TLE2: variants seen among roughly 807,000 people sequenced by gnomAD.
The protein encoded by TLE2 is transducin-like enhancer protein 2.
In TLE2, 74 loss-of-function variants were observed where a neutral mutation model predicts 97.2. That is an observed-to-expected ratio of 0.76 (90% confidence interval 0.63 to 0.92). The LOEUF (loss-of-function observed/expected upper bound fraction) is 0.92. Ranked by LOEUF, TLE2 falls within the 40% of genes least tolerant of loss-of-function variation. The pLI, the probability that TLE2 is intolerant of heterozygous loss-of-function variation, is 0.00. For missense variants in TLE2, 1,038 were observed against 1,008.7 expected (o/e 1.03, Z -0.39); for synonymous variants, 499 against 432.1 (o/e 1.15, Z -1.92).
chr19:3,008,883 G>C lies in TLE2; in HGVS notation c.1236C>G (p.Ile412Met), dbSNP rs760560743. The C allele has an allele frequency of 3.8e-6, 6 of 1,589,030 alleles. No homozygotes were observed. The African/African-American group carries it at 8.1e-5, about 21-fold the overall frequency. The change falls in exon 14 of 20, where the codon ATC becomes ATG. Residue 412 changes from isoleucine (I) to methionine (M), a missense_variant. Coordinates refer to ENST00000262953, the MANE Select transcript of TLE2 (RefSeq NM_003260.5). ...GSSVSSSLPS[I>M]PGGKPAYSFH... ...CTGGTACTCACGGCTTTCCCCCAGG[G>C]ATGCTGGGTAGGGAGGAAGAGACGG...
chr19:3,008,993 A>G, intron 13 of TLE2, 48 bp from the exon 14 acceptor site: 1 of 1,457,614 alleles, frequency 6.9e-7, no homozygotes, highest in Non-Finnish European at 9.2e-7. Flanking sequence ...ACTCCAACCC[A>G]CCTCTGTGCC....
intron 17 of TLE2, among the ~76,000 whole-genome samples, chr19:3,002,839 C>T (rs1326631192): frequency 6.6e-6 from 1 of 152,108 alleles, no homozygotes; most frequent in Non-Finnish European, 1.5e-5. Flanking sequence ...GCTGGGATTA[C>T]AGGTACCTGC....
chr19:3,000,844 A>G, intron 18 of TLE2, 121 bp from the exon 19 acceptor site: 5 of 581,300 alleles, frequency 8.6e-6, no homozygotes, highest in Non-Finnish European at 1.4e-5. Context: ...TTTTTTTTCC[A>G]AGAAAGGGTC....
upstream of TLE2, among the ~76,000 whole-genome samples, chr19:3,046,932 G>GCCTCCCCCTCCTCCTCCC (rs2090146439): frequency 1.0e-5 from 1 of 100,406 alleles, no homozygotes; most frequent in Non-Finnish European, 2.0e-5. Flanking sequence ...CCCCTCCTCT[G>GCCTCCCCCTCCTCCTCCC]CCTCCCCCTC....
chr19:3,000,018 G>C (rs1240573844), intron 19 of TLE2, among the ~76,000 whole-genome samples: 1 of 151,080 alleles, frequency 6.6e-6, no homozygotes, highest in East Asian at 2.0e-4. Flanking sequence ...GGGAGACAGA[G>C]CAAGATTCTG....
Position 3,027,810 on chromosome 19 carries a change from G to A in TLE2, c.231+19C>T, listed in dbSNP as rs766255665. The A allele has an allele frequency of 8.1e-6, 13 of 1,609,202 alleles. No individual in the cohort carries two copies. Among genetic ancestry groups the A allele is most frequent in the African/African-American group, 4.0e-5 (3 of 74,802 alleles). ...CCCCCACCCTCCCTCCTGAACACGC[G>A]TAACCCCAACCCAGTTACCTGCTTA... On this transcript the variant is annotated intron_variant, in intron 4 of 19. Transcript: ENST00000262953.
intron 12 of TLE2, among the ~76,000 whole-genome samples, chr19:3,010,335 G>A (rs564665642): frequency 6.7e-6 from 1 of 149,296 alleles, no homozygotes; most frequent in Admixed American, 6.7e-5. Flanking sequence ...TTGCACTCCA[G>A]CCTGTGTAAC....
rs757917221 is a variant in TLE2 at position 3,005,471 on chromosome 19, C to T, written c.1862G>A (p.Gly621Asp). The change falls in exon 17 of 20, where the codon GGC becomes GAC. Residue 621 changes from glycine (G) to aspartate (D), a missense_variant. By Grantham distance (94) the Gly-to-Asp change is moderately conservative. Transcript: ENST00000262953. ...NTVRCWDLREGRQLQQHDFSS... is the reference protein window; with the variant it reads ...NTVRCWDLREDRQLQQHDFSS... ...GAAGTCATGCTGCTGCAGCTGGCGG[C>T]CCTCCCGCAGGTCCCAGCAGCGCAC... The T allele has an allele frequency of 2.5e-6, 4 of 1,613,802 alleles. No homozygotes were observed. The South Asian group carries it at 4.4e-5, about 18-fold the overall frequency.
At chr19:3,010,743 CAA>C (rs775202949) in intron 12 of TLE2, among the ~76,000 whole-genome samples, 1 of 152,154 alleles carries the variant, frequency 6.6e-6, no homozygotes, top group African/African-American at 2.4e-5. Context: ...GTCTGAAACC[CAA>C]GTCTGTCTGG....
chr19:3,026,841 C>G lies in TLE2; in HGVS notation c.231+988G>C, dbSNP rs529325883. Among the ~76,000 whole-genome samples, 7 of 152,250 alleles carry G rather than the reference C, an allele frequency of 4.6e-5. No individual in the cohort carries two copies. In the South Asian group the frequency reaches 1.5e-3, roughly 32 times the overall value. On this transcript the variant is annotated intron_variant, in intron 4 of 19. Coordinates refer to ENST00000262953, the MANE Select transcript of TLE2 (RefSeq NM_003260.5). ...TCTATCTCTGAACCCTGAGGTCTAT[C>G]TCAGAACCTTGAGGTCTATCTCAGA...
chr19:3,039,892 C>T (rs892635435), intron 1 of TLE2, among the ~76,000 whole-genome samples: 4 of 152,208 alleles, frequency 2.6e-5, no homozygotes, highest in Non-Finnish European at 4.4e-5. Flanking sequence ...ACCCCACCTC[C>T]GCCACTGCGT....
intron 9 of TLE2, 76 bp downstream of exon 9, chr19:3,015,577 C>T (rs2089684095): frequency 8.4e-7 from 1 of 1,186,878 alleles, no homozygotes; most frequent in African/African-American, 1.5e-5. Flanking sequence ...CAGAGCTGGG[C>T]TCTGGAAGGC....
intron 1 of TLE2, among the ~76,000 whole-genome samples, chr19:3,035,572 G>C (rs937687836): frequency 6.6e-6 from 1 of 152,098 alleles, no homozygotes; most frequent in African/African-American, 2.4e-5. Context: ...AGCTGCGCTG[G>C]GACCCCGGAT....
intron 12 of TLE2, among the ~76,000 whole-genome samples, chr19:3,010,130 G>A (rs888615942): frequency 6.6e-6 from 1 of 151,524 alleles, no homozygotes; most frequent in Admixed American, 6.6e-5. Context: ...TTGGGAGGCC[G>A]AGGTGGGCGG....
chr19:3,037,345 G>A (rs1399562185), intron 1 of TLE2, among the ~76,000 whole-genome samples: 2 of 152,188 alleles, frequency 1.3e-5, no homozygotes, highest in Non-Finnish European at 2.9e-5. Flanking sequence ...TTTAAGCTAG[G>A]GTTTTGCAGA....
rs11150 is a variant in TLE2, at chr19:2,997,899, G to A, written c.2181C>T (p.Ile727=). Residue 727 remains isoleucine, a synonymous_variant, in exon 20 of 20, where the codon ATC becomes ATT. Transcript: ENST00000262953. Reference sequence around the variant, plus strand: ...CCTTCTTGTCCCCCGAGCCTGTCACGATGTATTTGTTATTTCTGGAGATGT... The same window carrying A: ...CCTTCTTGTCCCCCGAGCCTGTCACAATGTATTTGTTATTTCTGGAGATGT... ...SCDISRNNKY[I]VTGSGDKKAT... 0.15 allele frequency: 242,864 copies of A among 1,611,530 alleles called. 19,955 individuals are homozygous for A. The highest frequency in any genetic ancestry group is 0.3 in the East Asian group (13,401 of 44,784).
intron 1 of TLE2, among the ~76,000 whole-genome samples, chr19:3,041,167 C>G (rs145942000): frequency 0.082 from 12,386 of 150,134 alleles, 626 homozygotes; most frequent in Admixed American, 0.12. Context: ...GCTGGGATTA[C>G]AGGTGCGTGC....
At chr19:3,000,814 T>G in intron 18 of TLE2, 91 bp from the exon 19 acceptor site, 4 of 800,220 alleles carry the variant, frequency 5.0e-6, no homozygotes, top group Non-Finnish European at 7.8e-6. Flanking sequence ...GGTCTGGGTC[T>G]GGCCTCTCCC....
At chr19:3,028,000 C>A in intron 3 of TLE2, 127 bp from the exon 4 acceptor site, 1 of 972,014 alleles carries the variant, frequency 1.0e-6, no homozygotes, top group Non-Finnish European at 1.6e-6. Context: ...AGAGCCCCCC[C>A]CAGCTCCACG....
Sources: allele counts gnomAD v4.1 joint callset (sites outside exome capture counted in the v4.1 genomes callset), GRCh38; gene constraint gnomAD v4.1.1; transcripts MANE v1.5; gene names NCBI Gene and HGNC (gene_info 2026-07-23, HGNC 2026-07-21).